The following SYCP2L variants were observed in gnomAD, a reference collection of about 807,000 sequenced individuals.
SYCP2L encodes the protein synaptonemal complex protein 2 like, also known as synaptonemal complex protein 2-like.
SYCP2L carries 98 observed loss-of-function variants against 125.8 expected under a neutral mutation model. The observed-to-expected ratio is 0.78, with a 90% CI of 0.66 to 0.92. The LOEUF (loss-of-function observed/expected upper bound fraction) is 0.92, where lower values mean the gene tolerates loss of function less well. SYCP2L is among the 40% of genes least tolerant of loss of function. The pLI is 0.00. For synonymous variants in SYCP2L, 317 were observed against 325.4 expected, an observed-to-expected ratio of 0.97 and a Z score of 0.28; for missense variants, 842 against 936.4, an observed-to-expected ratio of 0.90 and a Z score of 1.32.
rs1554109163 is a variant in SYCP2L, at chr6:10,971,472, A to AAG, written c.*38-2479_*38-2478insGA. On this transcript the variant is annotated intron_variant, in intron 29 of 29. Transcript: ENST00000283141. The stretch of plus-strand genomic sequence containing the variant: ...GACTCTGTCTCAAAAAAAAAAAAAA[A>AAG]AAAGAAAGAAAGAAAGATAGGAGTT... Among the ~76,000 whole-genome samples the AAG allele has an allele frequency of 2.8e-3, 417 of 151,158 alleles. 2 individuals are homozygous for AAG. Among genetic ancestry groups the AAG allele is most frequent in the African/African-American group, 8.5e-3 (349 of 41,202 alleles).
At chr6:10,959,235 C>T (rs1363341926) in intron 26 of SYCP2L, among the ~76,000 whole-genome samples, 1 of 152,198 alleles carries the variant, frequency 6.6e-6, no homozygotes, top group East Asian at 1.9e-4. Flanking sequence ...GAATTAAATT[C>T]TGACACATGC....
chr6:10,955,081 C>G (rs372405888), intron 23 of SYCP2L, 35 bp from the exon 24 acceptor site: 2 of 1,458,546 alleles, frequency 1.4e-6, no homozygotes, highest in Non-Finnish European at 1.9e-6. Context: ...AAGATAATTT[C>G]GGGTCAAAAG....
chr6:10,899,509 C>T (rs1045193463), intron 6 of SYCP2L, among the ~76,000 whole-genome samples: 9 of 152,120 alleles, frequency 5.9e-5, no homozygotes, highest in African/African-American at 2.2e-4. Context: ...GATCGTGCCA[C>T]TCCACTCCAG....
At chr6:10,943,774 T>C (rs76395953) in intron 23 of SYCP2L, among the ~76,000 whole-genome samples, 4,141 of 152,298 alleles carry the variant, frequency 0.027, 153 homozygotes, top group East Asian at 0.2. Flanking sequence ...ATATACAGTT[T>C]AGTTTTATCT....
At chr6:10,961,927 A>T (rs1254372922) in intron 28 of SYCP2L, among the ~76,000 whole-genome samples, 1 of 152,184 alleles carries the variant, frequency 6.6e-6, no homozygotes, top group Non-Finnish European at 1.5e-5. Flanking sequence ...TGTGCTTTTG[A>T]TAGACTATAT....
intron 14 of SYCP2L, among the ~76,000 whole-genome samples, chr6:10,923,683 C>CT (rs372980518): frequency 0.52 from 63,280 of 121,800 alleles, 17,005 homozygotes; most frequent in East Asian, 0.6. Flanking sequence ...TTTTCTTTTT[C>CT]TTTTTTTTTT....
chr6:10,897,769 C>A (rs1581816079), intron 4 of SYCP2L, among the ~76,000 whole-genome samples: 1 of 152,106 alleles, frequency 6.6e-6, no homozygotes, highest in East Asian at 1.9e-4. Context: ...TGACACGGAT[C>A]CTGGCTGGGA....
At chr6:10,936,499 ATAGAT>A (rs1010224166) in intron 21 of SYCP2L, among the ~76,000 whole-genome samples, 22 of 152,150 alleles carry the variant, frequency 1.4e-4, no homozygotes, top group African/African-American at 5.3e-4. Flanking sequence ...AGAAAAAAAA[ATAGAT>A]TAAAAGGAAG....
Position 10,942,514 on chromosome 6 carries a change from T to C in SYCP2L, c.1869T>C (p.Asp623=). Residue 623 remains aspartate (D), a synonymous_variant, in exon 22 of 30, where the codon GAT becomes GAC. Coordinates refer to ENST00000283141, the MANE Select transcript of SYCP2L (RefSeq NM_001040274.3). ...TCTCTTCCTTGAAGCACTCAGAAGA[T>C]GAAGAAAAACCTAAGGTACTATTTA... The part of the protein sequence containing the change: ...SELSSLKHSE[D]EEKPKIVNQE... The C allele has an allele frequency of 6.2e-7, 1 of 1,603,564 alleles. No individual in the cohort carries two copies. The highest frequency in any genetic ancestry group is 1.7e-5 in the Admixed American group (1 of 57,230).
chr6:10,922,063 A>T (rs1780809349), intron 14 of SYCP2L, among the ~76,000 whole-genome samples: 1 of 152,084 alleles, frequency 6.6e-6, no homozygotes, highest in African/African-American at 2.4e-5. Flanking sequence ...TTGCATTCCT[A>T]AAGAGCTAAG....
At chr6:10,913,732 G>C (rs1374529367) in intron 14 of SYCP2L, among the ~76,000 whole-genome samples, 2 of 152,076 alleles carry the variant, frequency 1.3e-5, no homozygotes, top group African/African-American at 4.8e-5. Context: ...TTAAGTCCCA[G>C]CTATTTATCT....
intron 29 of SYCP2L, among the ~76,000 whole-genome samples, chr6:10,967,927 G>C (rs1406498442): frequency 6.6e-6 from 1 of 152,120 alleles, no homozygotes. Flanking sequence ...TAGAGAGAAG[G>C]CTTCATCTAG....
At chr6:10,906,739 A>C (rs985470317) in intron 9 of SYCP2L, among the ~76,000 whole-genome samples, 5 of 151,570 alleles carry the variant, frequency 3.3e-5, no homozygotes, top group Non-Finnish European at 7.4e-5. Flanking sequence ...CTGGGATTAC[A>C]GGCACGCACC....
rs768490887 is a variant in SYCP2L at position 10,927,375 on chromosome 6, CTTTTCTA to C, written c.1440+14_1440+20del. The C allele has an allele frequency of 1.2e-6, 2 of 1,604,748 alleles. No homozygotes were observed. The highest frequency in any genetic ancestry group is 1.7e-6 in the Non-Finnish European group (2 of 1,173,302). The stretch of plus-strand genomic sequence containing the variant: ...CCTGCCTCTGATAGTCACGTAGGTT[CTTTTCTA>C]TTTTCCCTAAGCATCGGCCAGGTTG... On this transcript the variant is annotated intron_variant, in intron 17 of 29. Transcript: ENST00000283141.
At chr6:10,893,583 C>T (rs1164314725) in intron 2 of SYCP2L, among the ~76,000 whole-genome samples, 1 of 152,140 alleles carries the variant, frequency 6.6e-6, no homozygotes, top group Non-Finnish European at 1.5e-5. Context: ...GCACGAGAAT[C>T]ACGTGAAAGG....
intron 20 of SYCP2L, among the ~76,000 whole-genome samples, chr6:10,933,139 C>T (rs1382836964): frequency 1.3e-5 from 2 of 152,170 alleles, no homozygotes; most frequent in Non-Finnish European, 2.9e-5. Context: ...TGACTTTCTA[C>T]AAATACTGGT....
intron 8 of SYCP2L, among the ~76,000 whole-genome samples, chr6:10,904,536 A>G (rs987893976): frequency 6.6e-6 from 1 of 152,214 alleles, no homozygotes; most frequent in Non-Finnish European, 1.5e-5. Flanking sequence ...CGTTAGTGAA[A>G]TCACTACTCT....
Position 10,907,658 on chromosome 6 carries a change from G to A in SYCP2L, c.793G>A (p.Glu265Lys), listed in dbSNP as rs1250258638. 2.5e-6 allele frequency: 4 copies of A among 1,612,346 alleles called. No individual in the cohort carries two copies. Among genetic ancestry groups the A allele is most frequent in the Non-Finnish European group, 3.4e-6 (4 of 1,179,550 alleles). ...TGAAGTCATTGCTGAAGCTTTCAAAGAAATTAAGGATCGAGAATTTGAGAC... is the reference window on the plus strand; with the variant it reads ...TGAAGTCATTGCTGAAGCTTTCAAAAAAATTAAGGATCGAGAATTTGAGAC... ...DDEVIAEAFK[E>K]IKDREFETDS... is the part of the protein sequence containing the mutation. Residue 265 changes from glutamate to lysine, a missense_variant, in exon 10 of 30, where the codon GAA (glutamate) becomes AAA (lysine). Transcript: ENST00000283141.
chr6:10,903,256 A>G (rs1319457447), intron 8 of SYCP2L, among the ~76,000 whole-genome samples: 2 of 151,844 alleles, frequency 1.3e-5, no homozygotes, highest in African/African-American at 2.4e-5. Context: ...AATATGGCAA[A>G]ACCCCATCTC....
Sources: gnomAD v4.1 joint callset for allele counts (sites outside exome capture counted in the v4.1 genomes callset) on GRCh38, gnomAD v4.1.1 for gene constraint, MANE v1.5 for transcripts, NCBI Gene and HGNC (gene_info 2026-07-23, HGNC 2026-07-21) for gene names.